LRFN2: variants seen among roughly 807,000 people sequenced by gnomAD.
The protein encoded by LRFN2 is leucine-rich repeat and fibronectin type-III domain-containing protein 2.
LRFN2 carries 18 observed loss-of-function variants against 37.3 expected under a neutral mutation model. The observed-to-expected ratio is 0.48, with a 90% confidence interval of 0.33 to 0.72. The LOEUF is 0.72. Among genes scored for constraint, LRFN2 ranks in the 30% least tolerant of loss-of-function variants. The pLI, the probability that LRFN2 is intolerant of heterozygous loss-of-function variation, is 0.02. For missense variants in LRFN2, 1,006 were observed against 1,060.7 expected, an observed-to-expected ratio of 0.95 and a Z score of 0.72; for synonymous variants, 556 against 466.6, an observed-to-expected ratio of 1.19 and a Z score of -2.47.
At chr6:40,549,007 A>C (rs1453981598) in intron 1 of LRFN2, among the ~76,000 whole-genome samples, 1 of 152,210 alleles carries the variant, frequency 6.6e-6, no homozygotes, top group African/African-American at 2.4e-5. Flanking sequence ...TCAACCGGTG[A>C]ATTGAGAATT....
chr6:40,470,564 C>T (rs1196322333), intron 1 of LRFN2, among the ~76,000 whole-genome samples: 11 of 151,472 alleles, frequency 7.3e-5, no homozygotes, highest in Admixed American at 5.3e-4. Flanking sequence ...GAGCTGAGAT[C>T]GTGTCCCTGC....
At chr6:40,443,426 A>G (rs1763892095) in intron 1 of LRFN2, among the ~76,000 whole-genome samples, 1 of 152,196 alleles carries the variant, frequency 6.6e-6, no homozygotes, top group African/African-American at 2.4e-5. Flanking sequence ...AGCAGCCACA[A>G]AAGGGTCAGG....
At chr6:40,545,351 C>A (rs1305512323) in intron 1 of LRFN2, among the ~76,000 whole-genome samples, 1 of 152,144 alleles carries the variant, frequency 6.6e-6, no homozygotes, top group Non-Finnish European at 1.5e-5. Context: ...AGGGCAAGGT[C>A]CTGGAGTTTT....
intron 1 of LRFN2, among the ~76,000 whole-genome samples, chr6:40,434,645 T>G (rs1481424814): frequency 6.6e-6 from 1 of 151,868 alleles, no homozygotes; most frequent in African/African-American, 2.4e-5. Flanking sequence ...CCCAGCTAAC[T>G]TTTTGTATTT....
At chr6:40,514,126 A>G (rs1581766581) in intron 1 of LRFN2, among the ~76,000 whole-genome samples, 1 of 152,180 alleles carries the variant, frequency 6.6e-6, no homozygotes, top group East Asian at 1.9e-4. Context: ...CAGGTATGGA[A>G]AAGCTCTGGA....
intron 2 of LRFN2, among the ~76,000 whole-genome samples, chr6:40,428,182 C>T (rs1763397320): frequency 6.6e-6 from 1 of 152,222 alleles, no homozygotes; most frequent in African/African-American, 2.4e-5. Flanking sequence ...ACTATTATTG[C>T]TGCTGTTGCT....
At chr6:40,431,317 C>G (rs1037903419) in intron 2 of LRFN2, among the ~76,000 whole-genome samples, 9 of 152,168 alleles carry the variant, frequency 5.9e-5, no homozygotes, top group Admixed American at 5.9e-4. Context: ...GCATATGAGT[C>G]CAGGTGAAGG....
At chr6:40,441,694 C>T (rs1013560751) in intron 1 of LRFN2, among the ~76,000 whole-genome samples, 4 of 152,130 alleles carry the variant, frequency 2.6e-5, no homozygotes, top group African/African-American at 9.7e-5. Flanking sequence ...TGGGCTGCTC[C>T]TCCTCTCCCT....
chr6:40,526,842 G>A (rs976760970), intron 1 of LRFN2, among the ~76,000 whole-genome samples: 2 of 152,238 alleles, frequency 1.3e-5, no homozygotes, highest in African/African-American at 4.8e-5. Context: ...GTGAAGCCAA[G>A]CTCACAGCAT....
chr6:40,418,071 G>C (rs796836484), intron 2 of LRFN2, among the ~76,000 whole-genome samples: 7 of 152,242 alleles, frequency 4.6e-5, no homozygotes, highest in African/African-American at 1.7e-4. Flanking sequence ...TAAAATCCGA[G>C]GCCTCATCAT....
chr6:40,534,282 C>T (rs1185212839), intron 1 of LRFN2, among the ~76,000 whole-genome samples: 3 of 152,148 alleles, frequency 2.0e-5, no homozygotes, highest in East Asian at 1.9e-4. Flanking sequence ...GTTGTTCTCA[C>T]GTTTTGGGGG....
In LRFN2 at chr6:40,431,704, G is replaced by T. The variant is rs745394296; in HGVS notation, c.1400+10C>A. 3 of 1,501,462 alleles carry T rather than the reference G, an allele frequency of 2.0e-6. No individual in the cohort carries two copies. Among genetic ancestry groups the T allele is most frequent in the African/African-American group, 1.4e-5 (1 of 71,364 alleles). 93.0% of individuals were successfully genotyped at this position (1,501,462 alleles called of 1,614,324 possible). ...CACCCTCCCTGCCTTTGCCACAGCC[G>T]CTTGCTCACCTGTAAATCAGTACCT... On this transcript the variant is annotated intron_variant, in intron 2 of 2. Coordinates refer to ENST00000338305, the MANE Select transcript of LRFN2 (RefSeq NM_020737.3).
In LRFN2 at chr6:40,414,718, A is replaced by C. The variant is rs556767283; in HGVS notation, c.1400+16996T>G. Among the ~76,000 whole-genome samples, 10 of 152,350 alleles carry C rather than the reference A, an allele frequency of 6.6e-5. No homozygotes were observed. The South Asian group carries it at 2.1e-3, about 32-fold the overall frequency. ...TATTGAAGATTGAAAATCAATAAAA[A>C]GGCTTGAGTGAGAAGCTTGGCCCCC... On this transcript the variant is annotated intron_variant, in intron 2 of 2. Coordinates refer to ENST00000338305, the MANE Select transcript of LRFN2 (RefSeq NM_020737.3).
chr6:40,575,360 G>A (rs1283359213), intron 1 of LRFN2, among the ~76,000 whole-genome samples: 1 of 151,284 alleles, frequency 6.6e-6, no homozygotes, highest in East Asian at 2.2e-4. Context: ...AACACACAAA[G>A]GCAGTCCTGA....
At chr6:40,417,079 G>A (rs1239546467) in intron 2 of LRFN2, among the ~76,000 whole-genome samples, 2 of 152,176 alleles carry the variant, frequency 1.3e-5, no homozygotes, top group Non-Finnish European at 2.9e-5. Flanking sequence ...GGAAGAGACT[G>A]CTGAGCACCA....
chr6:40,462,291 G>T (rs1764364784), intron 1 of LRFN2, among the ~76,000 whole-genome samples: 1 of 152,196 alleles, frequency 6.6e-6, no homozygotes, highest in Admixed American at 6.5e-5. Context: ...CTGGGATAGT[G>T]GCTGGTAGGA....
chr6:40,435,496 T>C (rs559918730), intron 1 of LRFN2, among the ~76,000 whole-genome samples: 1 of 152,090 alleles, frequency 6.6e-6, no homozygotes, highest in Non-Finnish European at 1.5e-5. Flanking sequence ...AACTCCCAGT[T>C]TGAGGAGCAC....
intron 2 of LRFN2, among the ~76,000 whole-genome samples, chr6:40,425,939 AC>A (rs1404572848): frequency 6.6e-6 from 1 of 152,184 alleles, no homozygotes; most frequent in Non-Finnish European, 1.5e-5. Context: ...TGTAGACTAG[AC>A]CCTGATGTTT....
intron 1 of LRFN2, among the ~76,000 whole-genome samples, chr6:40,515,932 C>T (rs1330085073): frequency 6.6e-6 from 1 of 151,568 alleles, no homozygotes; most frequent in Admixed American, 6.6e-5. Context: ...TCAACCATTG[C>T]CTCAGCATAC....
Sources: gnomAD v4.1 joint callset for allele counts (sites outside exome capture counted in the v4.1 genomes callset) on GRCh38, gnomAD v4.1.1 for gene constraint, MANE v1.5 for transcripts, NCBI Gene and HGNC (gene_info 2026-07-23, HGNC 2026-07-21) for gene names.